THSD7B: variants seen among roughly 807,000 people sequenced by gnomAD.
THSD7B encodes thrombospondin type-1 domain-containing protein 7B.
A neutral mutation model predicts 213.6 loss-of-function variants in THSD7B; 138 were observed. The ratio of observed to expected loss-of-function variants is 0.65; its 90% CI spans 0.56 to 0.74. THSD7B has a LOEUF of 0.74. Ranked by LOEUF, THSD7B falls within the 30% of genes least tolerant of loss-of-function variation. THSD7B has a pLI of 0.00. For missense variants in THSD7B, 1,931 were observed against 1,991.5 expected, an observed-to-expected ratio of 0.97 and a Z score of 0.58; for synonymous variants, 742 against 687.0, an observed-to-expected ratio of 1.08 and a Z score of -1.25.
Position 137,275,951 on chromosome 2 carries a change from A to G in THSD7B, c.2425A>G (p.Ile809Val). The part of the protein sequence containing the change: ...RWKPQKWSPC[I>V]LVPESVWQGI... Reference sequence around the variant, plus strand: ...GAAGCCACAGAAATGGAGCCCTTGCATCTTAGTGCCAGAGTCTGTCTGGCA... The same window carrying G: ...GAAGCCACAGAAATGGAGCCCTTGCGTCTTAGTGCCAGAGTCTGTCTGGCA... Residue 809 changes from isoleucine to valine, a missense_variant, in exon 12 of 28, where the codon ATC becomes GTC. Transcript: ENST00000409968. 1 of 1,612,224 alleles carries G rather than the reference A, an allele frequency of 6.2e-7. No homozygotes were observed. Among genetic ancestry groups the G allele is most frequent in the Non-Finnish European group, 8.5e-7 (1 of 1,178,900 alleles).
intron 5 of THSD7B, among the ~76,000 whole-genome samples, chr2:137,139,755 T>G (rs1199971529): frequency 6.6e-6 from 1 of 152,130 alleles, no homozygotes; most frequent in African/African-American, 2.4e-5. Context: ...CAGGAATCCC[T>G]TCATAGAAGA....
intron 2 of THSD7B, among the ~76,000 whole-genome samples, chr2:137,017,040 T>A (rs1260484228): frequency 6.6e-6 from 1 of 152,128 alleles, no homozygotes; most frequent in African/African-American, 2.4e-5. Context: ...ATAAACAATA[T>A]AATATTCAGT....
intron 2 of THSD7B, among the ~76,000 whole-genome samples, chr2:136,945,774 C>T (rs1031723050): frequency 6.6e-6 from 1 of 152,204 alleles, no homozygotes; most frequent in Non-Finnish European, 1.5e-5. Context: ...GCTATTGAAG[C>T]TTGTGCATGC....
chr2:137,484,359 T>C (rs1573652899), intron 15 of THSD7B, among the ~76,000 whole-genome samples: 1 of 144,704 alleles, frequency 6.9e-6, no homozygotes, highest in Non-Finnish European at 1.5e-5. Flanking sequence ...CTCATCCTTT[T>C]TTATGGCTGC....
At chr2:136,860,173 G>C (rs1683237877) in intron 1 of THSD7B, among the ~76,000 whole-genome samples, 1 of 151,868 alleles carries the variant, frequency 6.6e-6, no homozygotes, top group South Asian at 2.1e-4. Context: ...TTTTTGAGGA[G>C]TTGAGGATGG....
rs150407493 is a variant in THSD7B, at chr2:137,044,520, G to A, written c.140-11900G>A. On this transcript the variant is annotated intron_variant, in intron 2 of 27. Transcript: ENST00000409968. ...TGGGGGATATGTCCCAGGACCTCCA[G>A]TAGACACTTGAAACTGTGACTAGTA... 1.8e-3 allele frequency among the ~76,000 whole-genome samples: 279 copies of A among 152,198 alleles called. 1 individual carries two copies. The highest frequency in any genetic ancestry group is 6.6e-3 in the African/African-American group (274 of 41,528).
At chr2:137,638,328 A>C (rs1426204874) in intron 20 of THSD7B, among the ~76,000 whole-genome samples, 1 of 152,100 alleles carries the variant, frequency 6.6e-6, no homozygotes, top group Non-Finnish European at 1.5e-5. Context: ...AAGTCTCATG[A>C]GATATGATGG....
chr2:137,444,668 A>G, intron 14 of THSD7B, among the ~76,000 whole-genome samples: 1 of 151,832 alleles, frequency 6.6e-6, no homozygotes, highest in Non-Finnish European at 1.5e-5. Flanking sequence ...AAAACTACTA[A>G]AAGAAAACTT....
At chr2:137,330,234 A>G (rs1031287206) in intron 12 of THSD7B, among the ~76,000 whole-genome samples, 1 of 152,110 alleles carries the variant, frequency 6.6e-6, no homozygotes, top group Non-Finnish European at 1.5e-5. Flanking sequence ...TGGAAGGGAA[A>G]CATGGGGTCA....
At chr2:136,868,361 T>C (rs2104978765) in intron 1 of THSD7B, among the ~76,000 whole-genome samples, 1 of 152,330 alleles carries the variant, frequency 6.6e-6, no homozygotes, top group East Asian at 1.9e-4. Context: ...CTGAATCTAA[T>C]GGCAAATTAC....
chr2:136,818,398 G>C (rs1314326807), intron 1 of THSD7B, among the ~76,000 whole-genome samples: 1 of 148,420 alleles, frequency 6.7e-6, no homozygotes, highest in Non-Finnish European at 1.5e-5. Context: ...GGACTGTTGT[G>C]GGGTGGGGGG....
At chr2:136,913,922 C>T (rs1351596081) in intron 2 of THSD7B, among the ~76,000 whole-genome samples, 2 of 152,182 alleles carry the variant, frequency 1.3e-5, no homozygotes, top group African/African-American at 2.4e-5. Context: ...CCTAGTGGAG[C>T]TGTGAGAAGA....
chr2:136,841,996 G>T (rs1682927824), intron 1 of THSD7B, among the ~76,000 whole-genome samples: 1 of 152,190 alleles, frequency 6.6e-6, no homozygotes, highest in African/African-American at 2.4e-5. Context: ...GAAGGGATCA[G>T]TTCATGCAAG....
chr2:137,574,193 G>A (rs1394563454), intron 17 of THSD7B, among the ~76,000 whole-genome samples: 73 of 152,106 alleles, frequency 4.8e-4, no homozygotes, highest in Non-Finnish European at 8.8e-5. Flanking sequence ...TCTGGCCACT[G>A]GGCTAAAATT....
Position 136,883,322 on chromosome 2 carries a change from T to G in THSD7B, c.139+1005T>G, listed in dbSNP as rs117954400. On this transcript the variant is annotated intron_variant, in intron 2 of 27. Coordinates refer to ENST00000409968, the MANE Select transcript of THSD7B (RefSeq NM_001316349.2). ...ATTTTGCAAAAATGAAAGTGAATTA[T>G]GCTTTAAAGTCTATTAAGTAAAAAA... 3.4e-3 allele frequency among the ~76,000 whole-genome samples: 439 copies of G among 129,814 alleles called. 11 individuals carry two copies. The East Asian group carries it at 0.079, about 23-fold the overall frequency. The allele number at this position is 129,814 out of a possible 152,430, so 85.2% of individuals were successfully genotyped here. A position where few individuals can be genotyped will look rare whatever the true frequency, so the allele number is the denominator to read the frequency against.
At chr2:137,487,374 CAAAAAAAAAAAA>C (rs35759254) in intron 15 of THSD7B, among the ~76,000 whole-genome samples, 1 of 33,166 alleles carries the variant, frequency 3.0e-5, no homozygotes, top group Non-Finnish European at 4.8e-5. Context: ...GACTCCGTCT[CAAAAAAAAAAAA>C]AAAAAAAAAA....
At chr2:136,935,255 A>G (rs1344655036) in intron 2 of THSD7B, among the ~76,000 whole-genome samples, 2 of 152,084 alleles carry the variant, frequency 1.3e-5, no homozygotes, top group Non-Finnish European at 2.9e-5. Flanking sequence ...CTTTTGAGTG[A>G]GACCCTTTTG....
At chr2:137,068,030 G>C (rs902607662) in intron 3 of THSD7B, among the ~76,000 whole-genome samples, 2 of 151,990 alleles carry the variant, frequency 1.3e-5, no homozygotes, top group Non-Finnish European at 2.9e-5. Context: ...CTCTGGTCCT[G>C]GTTCTAGTAG....
chr2:137,093,966 A>G (rs1687996202), intron 3 of THSD7B, among the ~76,000 whole-genome samples: 1 of 152,102 alleles, frequency 6.6e-6, no homozygotes, highest in South Asian at 2.1e-4. Flanking sequence ...GATCACACAC[A>G]CATTTTGCCT....
Sources: gnomAD v4.1 joint callset for allele counts (sites outside exome capture counted in the v4.1 genomes callset) on GRCh38, gnomAD v4.1.1 for gene constraint, MANE v1.5 for transcripts, NCBI Gene and HGNC (gene_info 2026-07-23, HGNC 2026-07-21) for gene names.